The following BCKDHB variants were observed in gnomAD, a reference collection of about 807,000 sequenced individuals.
BCKDHB encodes branched chain keto acid dehydrogenase E1 subunit beta.
Under a neutral mutation model 48.5 loss-of-function variants are expected in BCKDHB, and 41 were observed. That is an observed-to-expected ratio of 0.85 (90% CI 0.66 to 1.10). BCKDHB has a LOEUF of 1.10. BCKDHB is among the 50% of genes least tolerant of loss of function. The pLI, the probability that BCKDHB is intolerant of heterozygous loss-of-function variation, is 0.00. For missense variants in BCKDHB, 496 were observed against 494.2 expected, an observed-to-expected ratio of 1.00 and a Z score of -0.03; for synonymous variants, 201 against 174.8, an observed-to-expected ratio of 1.15 and a Z score of -1.18.
intron 8 of BCKDHB, among the ~76,000 whole-genome samples, chr6:80,227,713 G>A (rs1775738383): frequency 6.6e-6 from 1 of 152,096 alleles, no homozygotes; most frequent in Non-Finnish European, 1.5e-5. Flanking sequence ...TTCCTTAAAG[G>A]GAGTCCTGTG....
intron 9 of BCKDHB, among the ~76,000 whole-genome samples, chr6:80,323,892 C>T (rs1768880454): frequency 1.3e-5 from 2 of 152,250 alleles, no homozygotes; most frequent in South Asian, 2.1e-4. Context: ...CCTGTCTCAG[C>T]CTCCGGAGTA....
intron 8 of BCKDHB, among the ~76,000 whole-genome samples, chr6:80,205,830 G>GTGTGT (rs1342981487): frequency 2.7e-5 from 4 of 145,728 alleles, no homozygotes; most frequent in African/African-American, 1.0e-4. Context: ...GTGTGTGTGT[G>GTGTGT]TGTGTAGGTG....
At chr6:80,328,246 A>C (rs1014274174) in intron 9 of BCKDHB, among the ~76,000 whole-genome samples, 1 of 152,156 alleles carries the variant, frequency 6.6e-6, no homozygotes, top group African/African-American at 2.4e-5. Context: ...ATTCTATTAA[A>C]AGGATTCAGG....
chr6:80,437,902 G>A, the BCKDHB span, among the ~76,000 whole-genome samples: 2 of 152,178 alleles, frequency 1.3e-5, no homozygotes, highest in Non-Finnish European at 2.9e-5. Flanking sequence ...TCTGCTGTAC[G>A]TTCCAATCTA....
In BCKDHB at chr6:80,271,812, C is replaced by CAA. The variant is rs66539911; in HGVS notation, c.952-1315_952-1314dup. Among the ~76,000 whole-genome samples, 149 of 142,048 alleles carry CAA rather than the reference C, an allele frequency of 1.0e-3. 1 individual carries two copies. Among genetic ancestry groups the CAA allele is most frequent in the Non-Finnish European group, 1.6e-3 (104 of 65,804 alleles). 93.2% of individuals were successfully genotyped at this position (142,048 alleles called of 152,430 possible). On this transcript the variant is annotated intron_variant, in intron 8 of 9. Coordinates refer to ENST00000320393, the MANE Select transcript of BCKDHB (RefSeq NM_183050.4). ...TGAGCAACAGAGTGAGACTCCATCTCAAAAAAAAACAAAAAAAGAATGATC... is the reference window on the plus strand; with the variant it reads ...TGAGCAACAGAGTGAGACTCCATCTCAAAAAAAAAAACAAAAAAAGAATGATC...
chr6:80,238,701 T>A (rs1776248289), intron 8 of BCKDHB, among the ~76,000 whole-genome samples: 1 of 152,118 alleles, frequency 6.6e-6, no homozygotes, highest in Non-Finnish European at 1.5e-5. Context: ...GCTGCACCCA[T>A]TAACTCGTCA....
intron 3 of BCKDHB, among the ~76,000 whole-genome samples, chr6:80,153,159 C>A (rs550354312): frequency 1.6e-5 from 2 of 126,088 alleles, no homozygotes; most frequent in African/African-American, 4.9e-5. Flanking sequence ...GAAGGTGAGC[C>A]GTGGCCAGGC....
At chr6:80,182,556 G>C (rs1007724476) in intron 6 of BCKDHB, among the ~76,000 whole-genome samples, 1 of 152,066 alleles carries the variant, frequency 6.6e-6, no homozygotes, top group African/African-American at 2.4e-5. Flanking sequence ...AAAAGTTCCA[G>C]CATCACAGAA....
chr6:80,176,139 T>G (rs1014204972), intron 6 of BCKDHB, among the ~76,000 whole-genome samples: 1 of 152,124 alleles, frequency 6.6e-6, no homozygotes, highest in Non-Finnish European at 1.5e-5. Flanking sequence ...TTTTTTTAGA[T>G]TATATGAAAT....
rs987089297 is a variant in BCKDHB, at chr6:80,197,823, C to A, written c.743-3111C>A. On this transcript the variant is annotated intron_variant, in intron 6 of 9. Transcript: ENST00000320393. Reference sequence around the variant, plus strand: ...TGTCATCAGCATTGTTCTTGACCCTCACTTTGGTTTAACAATTAAGACCTG... The same window carrying A: ...TGTCATCAGCATTGTTCTTGACCCTAACTTTGGTTTAACAATTAAGACCTG... Among the ~76,000 whole-genome samples, 5 of 152,186 alleles carry A rather than the reference C, an allele frequency of 3.3e-5. No individual in the cohort carries two copies. The East Asian group carries it at 9.6e-4, about 29-fold the overall frequency.
chr6:80,179,690 A>AAT (rs564373723), intron 6 of BCKDHB, among the ~76,000 whole-genome samples: 20 of 152,116 alleles, frequency 1.3e-4, no homozygotes, highest in African/African-American at 2.2e-4. Context: ...CCAAGGTTTG[A>AAT]ATATATATAT....
At chr6:80,283,369 A>C in intron 9 of BCKDHB, among the ~76,000 whole-genome samples, 1 of 151,986 alleles carries the variant, frequency 6.6e-6, no homozygotes, top group East Asian at 1.9e-4. Context: ...ATCATATTTC[A>C]TCTCCCTGAG....
chr6:80,278,019 T>C (rs1031702552), intron 9 of BCKDHB, among the ~76,000 whole-genome samples: 8 of 152,158 alleles, frequency 5.3e-5, no homozygotes. Flanking sequence ...TTTAAAGATA[T>C]CAATCTGAAA....
the BCKDHB span, among the ~76,000 whole-genome samples, chr6:80,387,432 A>C: frequency 2.0e-5 from 3 of 152,194 alleles, no homozygotes; most frequent in Non-Finnish European, 4.4e-5. Flanking sequence ...GCCACCATCA[A>C]GGACTTGAAA....
At chr6:80,127,184 T>C in intron 1 of BCKDHB, 1 of 297,688 alleles carries the variant, frequency 3.4e-6, no homozygotes, top group Non-Finnish European at 6.5e-6. Flanking sequence ...ACATTCCTTA[T>C]GGCTTAGGTT....
At chr6:80,289,250 T>C (rs1163289046) in intron 9 of BCKDHB, among the ~76,000 whole-genome samples, 4 of 152,184 alleles carry the variant, frequency 2.6e-5, no homozygotes, top group African/African-American at 7.2e-5. Context: ...GAGCTAAAAA[T>C]AGCCATTTTA....
At chr6:80,230,501 G>A (rs1309712272) in intron 8 of BCKDHB, among the ~76,000 whole-genome samples, 2 of 152,138 alleles carry the variant, frequency 1.3e-5, no homozygotes, top group African/African-American at 2.4e-5. Flanking sequence ...ATATGGAACA[G>A]GGGGTTAGCA....
the BCKDHB span, among the ~76,000 whole-genome samples, chr6:80,414,109 GTGTC>G: frequency 2.6e-5 from 4 of 151,962 alleles, no homozygotes; most frequent in Non-Finnish European, 5.9e-5. Context: ...TTTTTTAAAA[GTGTC>G]TGTGTATAAT....
At chr6:80,394,449 TTG>T in the BCKDHB span, among the ~76,000 whole-genome samples, 1 of 152,154 alleles carries the variant, frequency 6.6e-6, no homozygotes, top group African/African-American at 2.4e-5. Context: ...TGTTTTTTTT[TTG>T]TTTGTTTCAA....
Sources: gnomAD v4.1 joint callset for allele counts (sites outside exome capture counted in the v4.1 genomes callset) on GRCh38, gnomAD v4.1.1 for gene constraint, MANE v1.5 for transcripts, NCBI Gene and HGNC (gene_info 2026-07-23, HGNC 2026-07-21) for gene names.